MAN1C1: variants seen among roughly 807,000 people sequenced by gnomAD.
MAN1C1 encodes mannosidase alpha class 1C member 1.
In MAN1C1, 49 loss-of-function variants were observed where a neutral mutation model predicts 71.5. The observed-to-expected ratio is 0.69, with a 90% CI of 0.54 to 0.87. The LOEUF (loss-of-function observed/expected upper bound fraction) is 0.87. MAN1C1 is among the 40% of genes least tolerant of loss of function. The pLI, the probability that MAN1C1 is intolerant of heterozygous loss-of-function variation, is 0.00. For missense variants in MAN1C1, 743 were observed against 835.0 expected (o/e 0.89, Z 1.36); for synonymous variants, 352 against 343.7 (o/e 1.02, Z -0.27).
chr1:25,702,219 C>G (rs2046454583), intron 2 of MAN1C1, among the ~76,000 whole-genome samples: 1 of 152,142 alleles, frequency 6.6e-6, no homozygotes, highest in African/African-American at 2.4e-5. Context: ...ACTTGAGCAC[C>G]CAGATGGACC....
At chr1:25,680,134 C>T (rs1040617302) in intron 1 of MAN1C1, among the ~76,000 whole-genome samples, 13 of 151,948 alleles carry the variant, frequency 8.6e-5, no homozygotes, top group Non-Finnish European at 1.6e-4. Flanking sequence ...GCAATCTCGG[C>T]TCACTACAAC....
chr1:25,713,055 T>A (rs181676152), intron 2 of MAN1C1, among the ~76,000 whole-genome samples: 22 of 152,248 alleles, frequency 1.4e-4, no homozygotes, highest in African/African-American at 4.6e-4. Flanking sequence ...TGCATAATCC[T>A]TCTAACCTTA....
chr1:25,643,794 A>G (rs2045572499), intron 1 of MAN1C1, among the ~76,000 whole-genome samples: 1 of 151,988 alleles, frequency 6.6e-6, no homozygotes, highest in African/African-American at 2.4e-5. Flanking sequence ...GGCATAAGCC[A>G]CCGTGCCCAG....
At chr1:25,737,306 G>C (rs1026440123) in intron 2 of MAN1C1, among the ~76,000 whole-genome samples, 1 of 152,216 alleles carries the variant, frequency 6.6e-6, no homozygotes, top group African/African-American at 2.4e-5. Flanking sequence ...TCATTCTCCA[G>C]CCAGCTGTGG....
At position 25,778,278 on chromosome 1, in the gene MAN1C1, C is replaced by T. The variant is rs747904398; in HGVS notation, c.1431C>T (p.Leu477=). ...AAAAGAGGGCCCACTACCGAGAGCTCGCAGCCCAGATCACCAAGACGTGTC... is the reference window on the plus strand; with the variant it reads ...AAAAGAGGGCCCACTACCGAGAGCTTGCAGCCCAGATCACCAAGACGTGTC... The part of the protein sequence containing the change: ...KEEKRAHYRE[L]AAQITKTCHE... Residue 477 remains leucine, a synonymous_variant, in exon 9 of 12, where the codon CTC becomes CTT. Transcript: ENST00000374332. This position sits in a 1 kb window ranked among gnomAD's most constrained non-coding sequence, Gnocchi z 5.5. 1.5e-5 allele frequency: 25 copies of T among 1,613,820 alleles called. No homozygotes were observed. The highest frequency in any genetic ancestry group is 5.0e-5 in the Admixed American group (3 of 59,972).
At chr1:25,768,936 TACAC>T (rs954532708) in intron 7 of MAN1C1, among the ~76,000 whole-genome samples, 1 of 76,776 alleles carries the variant, frequency 1.3e-5, no homozygotes, top group African/African-American at 5.2e-5. Flanking sequence ...CCTTACACAC[TACAC>T]ACACACACTT....
At position 25,730,417 on chromosome 1, in the gene MAN1C1, T is replaced by C. The variant is rs976116449; in HGVS notation, c.638-16251T>C. Among the ~76,000 whole-genome samples, 1 of 150,730 alleles carries C rather than the reference T, an allele frequency of 6.6e-6. No individual in the cohort carries two copies. Among genetic ancestry groups the C allele is most frequent in the Non-Finnish European group, 1.5e-5 (1 of 67,782 alleles). On this transcript the variant is annotated intron_variant, in intron 2 of 11. Coordinates refer to ENST00000374332, the MANE Select transcript of MAN1C1 (RefSeq NM_020379.4). The surrounding 1 kb of genome is among the most constrained non-coding windows in gnomAD (Gnocchi z 4.3). The stretch of plus-strand genomic sequence containing the variant: ...CCAAAATCAGATTTTTTTTTTTTTT[T>C]AGTTTTCTCAGCCATCCTCGAAAAC...
chr1:25,702,481 T>G (rs2046459271), intron 2 of MAN1C1, among the ~76,000 whole-genome samples: 2 of 151,900 alleles, frequency 1.3e-5, no homozygotes, highest in Admixed American at 6.6e-5. Flanking sequence ...TCAGGGCCCA[T>G]CCCCCCAAAA....
Position 25,782,765 on chromosome 1 carries a change from C to A in MAN1C1, c.1766+65C>A. ...AGGTTGAGGGTAGGGGTCCGCAGTCCCTCCCCTCCACAGTCAGGTTCTGTG... is the reference window on the plus strand; with the variant it reads ...AGGTTGAGGGTAGGGGTCCGCAGTCACTCCCCTCCACAGTCAGGTTCTGTG... On this transcript the variant is annotated intron_variant, in intron 11 of 11. Transcript: ENST00000374332. This position sits in a 1 kb window ranked among gnomAD's most constrained non-coding sequence, Gnocchi z 4.4. 1 of 1,186,640 alleles carries A rather than the reference C, an allele frequency of 8.4e-7. No homozygotes were observed. The highest frequency in any genetic ancestry group is 1.3e-6 in the Non-Finnish European group (1 of 795,744). 73.5% of individuals were successfully genotyped at this position (1,186,640 alleles called of 1,614,324 possible).
At chr1:25,777,395 C>A (rs1351197830) in intron 8 of MAN1C1, among the ~76,000 whole-genome samples, 5 of 152,160 alleles carry the variant, frequency 3.3e-5, no homozygotes, top group Non-Finnish European at 7.3e-5. Context: ...ATCCCAGAGT[C>A]TTTACAACAG....
chr1:25,707,482 A>G (rs1412134568), intron 2 of MAN1C1, among the ~76,000 whole-genome samples: 1 of 152,230 alleles, frequency 6.6e-6, no homozygotes, highest in African/African-American at 2.4e-5. Context: ...AGGGCTTTTA[A>G]AGGGTGCAGA....
Position 25,758,620 on chromosome 1 carries a change from A to G in MAN1C1, c.958A>G (p.Ser320Gly). 1.2e-6 allele frequency: 2 copies of G among 1,614,134 alleles called. No individual in the cohort carries two copies. Among genetic ancestry groups the G allele is most frequent in the African/African-American group, 1.3e-5 (1 of 75,058 alleles). ...SGNWGWATAG[S>G]SSILAEFGSL... ...GAACTGGGGCTGGGCCACAGCCGGC[A>G]GCAGCAGCATCTTGGCGGAGTTTGG... The change falls in exon 6 of 12, where the codon AGC becomes GGC. Residue 320 changes from serine to glycine, a missense_variant. Coordinates refer to ENST00000374332, the MANE Select transcript of MAN1C1 (RefSeq NM_020379.4).
intron 3 of MAN1C1, among the ~76,000 whole-genome samples, chr1:25,747,964 G>C (rs2047153290): frequency 1.3e-5 from 2 of 152,190 alleles, no homozygotes; most frequent in African/African-American, 4.8e-5. Flanking sequence ...TTTGAGGCTT[G>C]TTGACATTTC....
intron 2 of MAN1C1, among the ~76,000 whole-genome samples, chr1:25,714,605 A>T (rs2046655858): frequency 6.6e-6 from 1 of 152,192 alleles, no homozygotes; most frequent in African/African-American, 2.4e-5. Flanking sequence ...ATGGGAGGAA[A>T]TTATACCGAT....
intron 2 of MAN1C1, among the ~76,000 whole-genome samples, chr1:25,721,163 A>C (rs2046760169): frequency 1.3e-5 from 2 of 151,876 alleles, no homozygotes; most frequent in South Asian, 4.1e-4. Context: ...TTTCCATATG[A>C]ATTTTTTTTA....
At chr1:25,713,832 G>A (rs2046644998) in intron 2 of MAN1C1, among the ~76,000 whole-genome samples, 1 of 152,134 alleles carries the variant, frequency 6.6e-6, no homozygotes, top group South Asian at 2.1e-4. Flanking sequence ...GACTTCGCTG[G>A]GCCCAGTGTC....
intron 1 of MAN1C1, among the ~76,000 whole-genome samples, chr1:25,630,347 T>G (rs1002917390): frequency 2.0e-5 from 3 of 152,208 alleles, no homozygotes; most frequent in Non-Finnish European, 4.4e-5. Flanking sequence ...CCTCTAGATT[T>G]GTTGTTTTTG....
chr1:25,748,798 C>T (rs1207494748), intron 3 of MAN1C1, among the ~76,000 whole-genome samples: 3 of 152,192 alleles, frequency 2.0e-5, no homozygotes, highest in African/African-American at 7.2e-5. Context: ...CTTCTTAGCC[C>T]CAGCCTTTCC....
rs934448930 is a variant in MAN1C1 at position 25,753,918 on chromosome 1, A to G, written c.929+340A>G. Among the ~76,000 whole-genome samples, 3 of 152,168 alleles carry G rather than the reference A, an allele frequency of 2.0e-5. No individual in the cohort carries two copies. Among genetic ancestry groups the G allele is most frequent in the African/African-American group, 7.2e-5 (3 of 41,442 alleles). On this transcript the variant is annotated intron_variant, in intron 5 of 11. Coordinates refer to ENST00000374332, the MANE Select transcript of MAN1C1 (RefSeq NM_020379.4). This position sits in a 1 kb window ranked among gnomAD's most constrained non-coding sequence, Gnocchi z 4.9. Reference sequence around the variant, plus strand: ...GTGGGCGGGGGCAGTTCCTCTGGACATCCCACAGTGCTGTCTTGACTTGAG... The same window carrying G: ...GTGGGCGGGGGCAGTTCCTCTGGACGTCCCACAGTGCTGTCTTGACTTGAG...
Sources: allele counts gnomAD v4.1 joint callset (sites outside exome capture counted in the v4.1 genomes callset), GRCh38; gene constraint gnomAD v4.1.1; non-coding constraint Gnocchi (gnomAD v3.1); transcripts MANE v1.5; gene names NCBI Gene and HGNC (gene_info 2026-07-23, HGNC 2026-07-21).